Variants in RIMS2 observed in about 807,000 individuals in gnomAD.
RIMS2 encodes regulating synaptic membrane exocytosis 2, also known as regulating synaptic membrane exocytosis protein 2.
A neutral mutation model predicts 174.4 loss-of-function variants in RIMS2; 59 were observed. The ratio of observed to expected loss-of-function variants is 0.34; its 90% confidence interval spans 0.27 to 0.42. RIMS2 has a LOEUF of 0.42. Ranked by LOEUF, RIMS2 falls within the 10% of genes least tolerant of loss-of-function variation. The probability of loss-of-function intolerance (pLI) is 1.00; values close to 1 mark genes in which losing one functional copy is unlikely to be tolerated. For missense variants in RIMS2, 1,620 were observed against 1,666.3 expected, an observed-to-expected ratio of 0.97 and a Z score of 0.48; for synonymous variants, 606 against 572.5, an observed-to-expected ratio of 1.06 and a Z score of -0.84.
Position 104,161,346 on chromosome 8 carries a change from A to T in RIMS2, c.3335-83570A>T, listed in dbSNP as rs76123584. On this transcript the variant is annotated intron_variant, in intron 19 of 23. Coordinates refer to ENST00000504942, the Ensembl canonical transcript of RIMS2. ...GACATGGGAAATATTAGACTCAGAA[A>T]TATGGAAAGGTATCTTATGTATGAG... Among the ~76,000 whole-genome samples, 189 of 152,308 alleles carry T rather than the reference A, an allele frequency of 1.2e-3. 1 individual carries two copies. The East Asian group carries it at 0.022, about 18-fold the overall frequency.
intron 1 of RIMS2, among the ~76,000 whole-genome samples, chr8:103,643,607 A>G (rs1020967835): frequency 2.0e-5 from 3 of 151,840 alleles, no homozygotes; most frequent in South Asian, 2.1e-4. Flanking sequence ...AAATTTTTCT[A>G]TTGTCCTTGT....
intron 3 of RIMS2, among the ~76,000 whole-genome samples, chr8:103,823,282 A>G (rs928811774): frequency 2.8e-4 from 42 of 152,090 alleles, no homozygotes; most frequent in Admixed American, 7.9e-4. Context: ...TTTCATATTT[A>G]AAAGTAAGAA....
chr8:103,788,253 A>C (rs1289155647), intron 3 of RIMS2, among the ~76,000 whole-genome samples: 17 of 151,028 alleles, frequency 1.1e-4, no homozygotes, highest in African/African-American at 3.9e-4. Flanking sequence ...GATCGTCTGA[A>C]GCTTTCTTCT....
intron 20 of RIMS2, among the ~76,000 whole-genome samples, chr8:104,247,609 C>G (rs1044811720): frequency 2.0e-5 from 3 of 152,160 alleles, no homozygotes; most frequent in Non-Finnish European, 2.9e-5. Flanking sequence ...CAAGGTTGAC[C>G]AGTTGGAAGA....
chr8:104,085,818 A>T (rs1031399900), intron 19 of RIMS2, among the ~76,000 whole-genome samples: 4 of 152,238 alleles, frequency 2.6e-5, no homozygotes, highest in African/African-American at 9.6e-5. Context: ...TAAGAGGTAC[A>T]AGGAGAGCTG....
At chr8:103,828,981 G>T (rs528350517) in intron 3 of RIMS2, among the ~76,000 whole-genome samples, 1 of 151,748 alleles carries the variant, frequency 6.6e-6, no homozygotes, top group Admixed American at 6.6e-5. Flanking sequence ...TTGTAGTATA[G>T]TTCAAAGTTG....
intron 2 of RIMS2, among the ~76,000 whole-genome samples, chr8:103,722,434 C>G (rs2097461807): frequency 6.6e-6 from 1 of 152,028 alleles, no homozygotes; most frequent in South Asian, 2.1e-4. Flanking sequence ...ATGGTTCCAT[C>G]TGGGGTTGAT....
intron 16 of RIMS2, among the ~76,000 whole-genome samples, chr8:103,988,298 G>T (rs1462345692): frequency 6.6e-6 from 1 of 152,054 alleles, no homozygotes; most frequent in Non-Finnish European, 1.5e-5. Flanking sequence ...GCAAAGGGTG[G>T]GTCAGACAGG....
At chr8:104,129,327 A>G (rs1316576256) in intron 19 of RIMS2, among the ~76,000 whole-genome samples, 2 of 152,186 alleles carry the variant, frequency 1.3e-5, no homozygotes, top group Non-Finnish European at 2.9e-5. Flanking sequence ...TGAGGTTACA[A>G]TCAGCCCTAG....
chr8:103,585,804 G>C (rs1213136920), intron 1 of RIMS2, among the ~76,000 whole-genome samples: 1 of 151,712 alleles, frequency 6.6e-6, no homozygotes, highest in African/African-American at 2.4e-5. Context: ...TGGATGACAG[G>C]CTGACAGGTG....
intron 19 of RIMS2, among the ~76,000 whole-genome samples, chr8:104,048,155 G>A (rs1274605175): frequency 6.6e-6 from 1 of 151,964 alleles, no homozygotes; most frequent in Non-Finnish European, 1.5e-5. Flanking sequence ...TAAATAAAAG[G>A]CACACAAGTT....
chr8:103,951,603 C>T (rs115627188), intron 14 of RIMS2, among the ~76,000 whole-genome samples: 2,019 of 152,290 alleles, frequency 0.013, 60 homozygotes, highest in African/African-American at 0.047. Context: ...CTTCACATCC[C>T]GCAGACCAGG....
chr8:104,063,674 A>C (rs1400102096), intron 19 of RIMS2, among the ~76,000 whole-genome samples: 2 of 152,186 alleles, frequency 1.3e-5, no homozygotes. Context: ...TATTGGGCTT[A>C]AGAGTTTTCC....
intron 1 of RIMS2, among the ~76,000 whole-genome samples, chr8:103,576,434 C>T (rs1217780266): frequency 6.6e-6 from 1 of 151,924 alleles, no homozygotes; most frequent in Non-Finnish European, 1.5e-5. Context: ...AATGTACATT[C>T]AAAAAAACAA....
intron 1 of RIMS2, among the ~76,000 whole-genome samples, chr8:103,523,032 G>T (rs1390182360): frequency 1.3e-5 from 2 of 152,056 alleles, no homozygotes; most frequent in Non-Finnish European, 2.9e-5. Flanking sequence ...AACTGACCTT[G>T]AATGTAAACT....
chr8:104,198,296 A>G (rs1206118945), intron 19 of RIMS2, among the ~76,000 whole-genome samples: 1 of 152,228 alleles, frequency 6.6e-6, no homozygotes, highest in East Asian at 1.9e-4. Flanking sequence ...CTGGCCAGCT[A>G]GCTAGCTGCC....
intron 1 of RIMS2, among the ~76,000 whole-genome samples, chr8:103,620,555 A>G (rs1385151627): frequency 6.6e-6 from 1 of 152,186 alleles, no homozygotes; most frequent in Non-Finnish European, 1.5e-5. Flanking sequence ...CGATTAATGT[A>G]AACAGCTGGA....
chr8:104,105,835 G>C (rs779926152), intron 19 of RIMS2, among the ~76,000 whole-genome samples: 2 of 151,726 alleles, frequency 1.3e-5, no homozygotes, highest in Non-Finnish European at 2.9e-5. Flanking sequence ...TCAGGAGATC[G>C]AGACCATCCT....
intron 19 of RIMS2, among the ~76,000 whole-genome samples, chr8:104,125,247 A>G (rs1177765538): frequency 1.3e-5 from 2 of 152,208 alleles, no homozygotes; most frequent in Non-Finnish European, 2.9e-5. Context: ...ACACTTTTAA[A>G]TGACAATTGA....
Sources: allele counts gnomAD v4.1 joint callset (sites outside exome capture counted in the v4.1 genomes callset), GRCh38; gene constraint gnomAD v4.1.1; transcripts MANE v1.5; gene names NCBI Gene and HGNC (gene_info 2026-07-23, HGNC 2026-07-21).